The following JAZF1 variants were observed in gnomAD, a reference collection of about 807,000 sequenced individuals.
JAZF1 encodes JAZF zinc finger 1.
JAZF1 carries 8 observed loss-of-function variants against 26.4 expected under a neutral mutation model. That is an observed-to-expected ratio of 0.30 (90% CI 0.18 to 0.55). The LOEUF (loss-of-function observed/expected upper bound fraction) is 0.55. Among genes scored for constraint, JAZF1 ranks in the 20% least tolerant of loss-of-function variants. JAZF1 has a pLI of 0.94. For missense variants in JAZF1, 199 were observed against 322.0 expected (o/e 0.62, Z 2.92); for synonymous variants, 126 against 122.3 (o/e 1.03, Z -0.20).
intron 2 of JAZF1, among the ~76,000 whole-genome samples, chr7:27,927,619 C>A (rs988183429): frequency 1.3e-5 from 2 of 152,006 alleles, no homozygotes; most frequent in Admixed American, 6.6e-5. Flanking sequence ...AACTATAAGC[C>A]TTTGTGGGCA....
At position 27,884,311 on chromosome 7, in the gene JAZF1, G is replaced by T. The variant is rs572153091; in HGVS notation, c.385+10909C>A. ...ACACCCAGCTAATTTTTTGATTTTC[G>T]TAGAGACCAGGTCTCACTATGATGA... is the stretch of plus-strand genomic sequence containing the variant. On this transcript the variant is annotated intron_variant, in intron 3 of 4. Coordinates refer to ENST00000283928, the MANE Select transcript of JAZF1 (RefSeq NM_175061.4). 1.1e-3 allele frequency among the ~76,000 whole-genome samples: 174 copies of T among 152,178 alleles called. 1 individual carries two copies. Among genetic ancestry groups the T allele is most frequent in the Admixed American group, 2.7e-3 (41 of 15,290 alleles).
At chr7:28,162,138 A>G (rs1171819967) in intron 1 of JAZF1, among the ~76,000 whole-genome samples, 1 of 152,228 alleles carries the variant, frequency 6.6e-6, no homozygotes, top group Admixed American at 6.5e-5. Flanking sequence ...TATTTGGTCC[A>G]AGGCAGGAAC....
chr7:28,161,281 A>AAC (rs1783283104), intron 1 of JAZF1, among the ~76,000 whole-genome samples: 1 of 143,264 alleles, frequency 7.0e-6, no homozygotes, highest in Admixed American at 6.8e-5. Context: ...AAAAAAAAAA[A>AAC]GTCTACTCAA....
chr7:28,116,070 C>G (rs895962774), intron 1 of JAZF1, among the ~76,000 whole-genome samples: 1 of 152,176 alleles, frequency 6.6e-6, no homozygotes, highest in Non-Finnish European at 1.5e-5. Context: ...ACTTGAATTG[C>G]TTCCAGTCTT....
chr7:28,131,344 G>A (rs1356401800), intron 1 of JAZF1, among the ~76,000 whole-genome samples: 1 of 151,482 alleles, frequency 6.6e-6, no homozygotes, highest in Non-Finnish European at 1.5e-5. Flanking sequence ...GAGTATACCT[G>A]ACTGTACACA....
chr7:27,945,102 T>C (rs1162732701), intron 2 of JAZF1, among the ~76,000 whole-genome samples: 3 of 152,086 alleles, frequency 2.0e-5, no homozygotes, highest in Admixed American at 6.5e-5. Flanking sequence ...AGAACTCACT[T>C]TGGTACCTCT....
chr7:28,156,254 G>A (rs1319477589), intron 1 of JAZF1, among the ~76,000 whole-genome samples: 1 of 152,198 alleles, frequency 6.6e-6, no homozygotes, highest in East Asian at 1.9e-4. Flanking sequence ...CTGGGTCAAG[G>A]CTGTAGAGGC....
chr7:28,110,024 C>T (rs1017092688), intron 1 of JAZF1, among the ~76,000 whole-genome samples: 1 of 152,048 alleles, frequency 6.6e-6, no homozygotes, highest in Non-Finnish European at 1.5e-5. Flanking sequence ...AACAGTTGCA[C>T]GTCACACACA....
At chr7:28,136,196 A>T (rs1020640857) in intron 1 of JAZF1, among the ~76,000 whole-genome samples, 3 of 152,250 alleles carry the variant, frequency 2.0e-5, no homozygotes, top group African/African-American at 2.4e-5. Context: ...TTATTATCTC[A>T]AATAACTCTC....
At chr7:27,867,445 T>C (rs1307140849) in intron 3 of JAZF1, among the ~76,000 whole-genome samples, 2 of 152,192 alleles carry the variant, frequency 1.3e-5, no homozygotes, top group African/African-American at 4.8e-5. Context: ...CTTCGTCCCA[T>C]GGGGAAACTA....
intron 3 of JAZF1, among the ~76,000 whole-genome samples, chr7:27,867,767 C>T (rs377502585): frequency 3.9e-5 from 6 of 152,198 alleles, no homozygotes; most frequent in African/African-American, 9.6e-5. Flanking sequence ...CAACAAAGAC[C>T]GAGGGAGAGG....
At chr7:27,991,065 G>C (rs1785888859) in intron 2 of JAZF1, among the ~76,000 whole-genome samples, 2 of 152,168 alleles carry the variant, frequency 1.3e-5, no homozygotes. Flanking sequence ...GCACTCAAAT[G>C]AAACAGTACA....
chr7:28,178,016 T>C (rs921951156), intron 1 of JAZF1, among the ~76,000 whole-genome samples: 30 of 152,234 alleles, frequency 2.0e-4, no homozygotes, highest in Non-Finnish European at 5.9e-5. Flanking sequence ...CATTTTAACA[T>C]TTGCTTTTCA....
At chr7:28,142,851 GCA>G (rs1782977940) in intron 1 of JAZF1, among the ~76,000 whole-genome samples, 1 of 152,302 alleles carries the variant, frequency 6.6e-6, no homozygotes, top group South Asian at 2.1e-4. Context: ...AGGCATTCAT[GCA>G]CAGTGACAAC....
intron 3 of JAZF1, among the ~76,000 whole-genome samples, chr7:27,862,952 AG>A (rs1234986853): frequency 1.3e-5 from 2 of 152,124 alleles, no homozygotes; most frequent in African/African-American, 2.4e-5. Flanking sequence ...CTTTAAATAG[AG>A]GACAGCACTG....
In JAZF1 at chr7:28,058,926, CG is replaced by C. The variant is rs538385684; in HGVS notation, c.116-66946del. Among the ~76,000 whole-genome samples, 683 of 152,242 alleles carry C rather than the reference CG, an allele frequency of 4.5e-3. 3 individuals are homozygous for C. The highest frequency in any genetic ancestry group is 0.016 in the African/African-American group (652 of 41,538). On this transcript the variant is annotated intron_variant, in intron 1 of 4. Coordinates refer to ENST00000283928, the MANE Select transcript of JAZF1 (RefSeq NM_175061.4). ...TTCTTTATATGTCTTTCACATCAAG[CG>C]TAACACTAACTGTGTTACTGTTTTT...
At position 27,846,636 on chromosome 7, in the gene JAZF1, G is replaced by C. The variant is rs141813097; in HGVS notation, c.386-5769C>G. ...TTGTTATTACTTGTCTTTTTGATCAGAGCTGTCTGAATGGGTGTGCTCTTT... is the reference window on the plus strand; with the variant it reads ...TTGTTATTACTTGTCTTTTTGATCACAGCTGTCTGAATGGGTGTGCTCTTT... On this transcript the variant is annotated intron_variant, in intron 3 of 4. Coordinates refer to ENST00000283928, the MANE Select transcript of JAZF1 (RefSeq NM_175061.4). 779 of 452,010 alleles carry C rather than the reference G, an allele frequency of 1.7e-3. 6 individuals carry two copies. The highest frequency in any genetic ancestry group is 0.014 in the African/African-American group (681 of 49,782). 28.0% of individuals were successfully genotyped at this position (452,010 alleles called of 1,614,324 possible). A position where few individuals can be genotyped will look rare whatever the true frequency, so the allele number is the denominator to read the frequency against.
intron 1 of JAZF1, among the ~76,000 whole-genome samples, chr7:28,071,910 A>G (rs1049418683): frequency 3.3e-5 from 5 of 152,260 alleles, no homozygotes; most frequent in Non-Finnish European, 5.9e-5. Flanking sequence ...AACTACTAAC[A>G]ATACAAAAGA....
At chr7:28,072,000 G>A (rs140383557) in intron 1 of JAZF1, among the ~76,000 whole-genome samples, 141 of 152,318 alleles carry the variant, frequency 9.3e-4, no homozygotes, top group Middle Eastern at 6.8e-3. Context: ...GTTTAACATC[G>A]TAGTATGAAG....
Sources: allele counts gnomAD v4.1 joint callset (sites outside exome capture counted in the v4.1 genomes callset), GRCh38; gene constraint gnomAD v4.1.1; transcripts MANE v1.5; gene names NCBI Gene and HGNC (gene_info 2026-07-23, HGNC 2026-07-21).